SYNPR: variants seen among roughly 807,000 people sequenced by gnomAD.
SYNPR encodes the protein synaptoporin.
In SYNPR, 23 loss-of-function variants were observed where a neutral mutation model predicts 32.9. The ratio of observed to expected loss-of-function variants is 0.70; its 90% CI spans 0.50 to 0.99. The LOEUF (loss-of-function observed/expected upper bound fraction) is 0.99. Among genes scored for constraint, SYNPR ranks in the 50% least tolerant of loss-of-function variants. The probability of loss-of-function intolerance (pLI) is 0.00; values close to 1 mark genes in which losing one functional copy is unlikely to be tolerated. For missense variants in SYNPR, 318 were observed against 349.3 expected (o/e 0.91, Z 0.71); for synonymous variants, 146 against 135.9 (o/e 1.07, Z -0.52).
intron 2 of SYNPR, among the ~76,000 whole-genome samples, chr3:63,433,504 A>G (rs1427442969): frequency 6.6e-6 from 1 of 152,228 alleles, no homozygotes; most frequent in East Asian, 1.9e-4. Flanking sequence ...GCAGTAATAC[A>G]TAATCAACTA....
At chr3:63,569,680 G>T (rs1052383351) in intron 4 of SYNPR, among the ~76,000 whole-genome samples, 1 of 152,242 alleles carries the variant, frequency 6.6e-6, no homozygotes, top group Non-Finnish European at 1.5e-5. Context: ...TAGGCCCAGT[G>T]CTGGGCTCTG....
chr3:63,324,760 C>T (rs1456283834), intron 2 of SYNPR, among the ~76,000 whole-genome samples: 2 of 152,084 alleles, frequency 1.3e-5, no homozygotes, highest in Non-Finnish European at 2.9e-5. Context: ...GTTGAGCTAG[C>T]TATTTAGTAT....
chr3:63,436,971 G>T (rs1300311342), intron 2 of SYNPR, among the ~76,000 whole-genome samples: 1 of 152,138 alleles, frequency 6.6e-6, no homozygotes, highest in Non-Finnish European at 1.5e-5. Flanking sequence ...CCGCCTCCCG[G>T]GTTCAAGCAA....
At chr3:63,506,818 T>G (rs1701597970) in intron 3 of SYNPR, among the ~76,000 whole-genome samples, 1 of 152,186 alleles carries the variant, frequency 6.6e-6, no homozygotes, top group African/African-American at 2.4e-5. Context: ...AAAACCTCCA[T>G]GCTGCCTCTG....
chr3:63,504,955 A>G (rs1227520843), intron 3 of SYNPR, among the ~76,000 whole-genome samples: 2 of 152,256 alleles, frequency 1.3e-5, no homozygotes, highest in South Asian at 4.1e-4. Flanking sequence ...GATTTCTGAG[A>G]TGACTGAGAA....
chr3:63,442,055 G>T (rs778228836), intron 2 of SYNPR, among the ~76,000 whole-genome samples: 34 of 152,116 alleles, frequency 2.2e-4, no homozygotes, highest in Non-Finnish European at 3.8e-4. Flanking sequence ...TTGGTTGGTT[G>T]GTTTGGTCCC....
chr3:63,240,162 C>T (rs2086230634), intron 1 of SYNPR, among the ~76,000 whole-genome samples: 2 of 152,108 alleles, frequency 1.3e-5, no homozygotes, highest in African/African-American at 4.8e-5. Context: ...AGAGACTTAA[C>T]ATGCAAAGCA....
chr3:63,305,730 C>T (rs1345632603), intron 2 of SYNPR, among the ~76,000 whole-genome samples: 1 of 151,990 alleles, frequency 6.6e-6, no homozygotes, highest in Non-Finnish European at 1.5e-5. Context: ...TACTACCTCT[C>T]AGAAACTCCG....
At chr3:63,229,892 G>C (rs1298715584) in intron 1 of SYNPR, among the ~76,000 whole-genome samples, 1 of 152,054 alleles carries the variant, frequency 6.6e-6, no homozygotes, top group Non-Finnish European at 1.5e-5. Context: ...GAAATCACTA[G>C]TTTTAAAGTC....
At chr3:63,431,713 C>CA (rs1699997878) in intron 2 of SYNPR, among the ~76,000 whole-genome samples, 1 of 151,002 alleles carries the variant, frequency 6.6e-6, no homozygotes, top group South Asian at 2.1e-4. Flanking sequence ...CACGAATCAT[C>CA]AAGCCCATTA....
intron 2 of SYNPR, among the ~76,000 whole-genome samples, chr3:63,262,597 G>C (rs1468463984): frequency 6.6e-6 from 1 of 152,184 alleles, no homozygotes; most frequent in Non-Finnish European, 1.5e-5. Context: ...GGAAATGTGA[G>C]TCCACTTAGG....
At chr3:63,277,025 G>A (rs569524638), upstream of SYNPR, among the ~76,000 whole-genome samples, 15 of 152,196 alleles carry the variant, frequency 9.9e-5, no homozygotes, top group Middle Eastern at 3.4e-3. Flanking sequence ...CCAGTCCAAA[G>A]GGAGTGAGAA....
At chr3:63,491,955 G>T (rs11130933) in intron 3 of SYNPR, among the ~76,000 whole-genome samples, 26,467 of 151,996 alleles carry the variant, frequency 0.17, 2,464 homozygotes, top group African/African-American at 0.22. Context: ...TGACTCCTAG[G>T]CAAGAGGCAC....
chr3:63,324,251 A>G lies in SYNPR; in HGVS notation c.84+45509A>G, dbSNP rs113997713. Among the ~76,000 whole-genome samples, 940 of 152,192 alleles carry G rather than the reference A, an allele frequency of 6.2e-3. 13 individuals are homozygous for G. The highest frequency in any genetic ancestry group is 0.02 in the African/African-American group (830 of 41,546). ...AAAGAGTGGCCACCTTGATGAAAAG[A>G]TATTAAGAAAGCAGAGAACCTGAGC... is the stretch of plus-strand genomic sequence containing the variant. On this transcript the variant is annotated intron_variant, in intron 2 of 5. Transcript: ENST00000478300.
At chr3:63,491,367 TGAAGACGAGCAAGGGAGG>T (rs1701254556) in intron 3 of SYNPR, among the ~76,000 whole-genome samples, 1 of 151,954 alleles carries the variant, frequency 6.6e-6, no homozygotes, top group African/African-American at 2.4e-5. Flanking sequence ...TAAGGCAATC[TGAAGACGAGCAAGGGAGG>T]GAAGACACCC....
At chr3:63,519,619 A>G (rs1327129519) in intron 3 of SYNPR, among the ~76,000 whole-genome samples, 1 of 152,134 alleles carries the variant, frequency 6.6e-6, no homozygotes, top group African/African-American at 2.4e-5. Context: ...TCCCATTGCC[A>G]CTGAATCACA....
chr3:63,591,989 G>A (rs1042565321), intron 4 of SYNPR, among the ~76,000 whole-genome samples: 9 of 152,042 alleles, frequency 5.9e-5, no homozygotes, highest in Middle Eastern at 3.4e-3. Context: ...TTTGAAACAG[G>A]GGTCTTTGCA....
chr3:63,493,864 G>A (rs559516225), intron 3 of SYNPR, among the ~76,000 whole-genome samples: 12 of 144,478 alleles, frequency 8.3e-5, no homozygotes, highest in African/African-American at 3.1e-4. Context: ...CTACCCCAGA[G>A]ACACATTTAA....
chr3:63,224,025 G>A (rs2086111742), upstream of SYNPR, among the ~76,000 whole-genome samples: 1 of 152,170 alleles, frequency 6.6e-6, no homozygotes, highest in African/African-American at 2.4e-5. Flanking sequence ...AAAGTTTACA[G>A]TCTATTAGTG....
Sources: gnomAD v4.1 joint callset for allele counts (sites outside exome capture counted in the v4.1 genomes callset) on GRCh38, gnomAD v4.1.1 for gene constraint, MANE v1.5 for transcripts, NCBI Gene and HGNC (gene_info 2026-07-23, HGNC 2026-07-21) for gene names.